The following CYP7B1 variants were observed in gnomAD, a reference collection of about 807,000 sequenced individuals.
CYP7B1 encodes the protein cytochrome P450 7B1.
CYP7B1 carries 29 observed loss-of-function variants against 42.7 expected under a neutral mutation model. The ratio of observed to expected loss-of-function variants is 0.68; its 90% CI spans 0.51 to 0.93. The LOEUF (loss-of-function observed/expected upper bound fraction) is 0.93, where lower values mean the gene tolerates loss of function less well. Ranked by LOEUF, CYP7B1 falls within the 40% of genes least tolerant of loss-of-function variation. The pLI is 0.00. For missense variants in CYP7B1, 655 were observed against 600.5 expected, an observed-to-expected ratio of 1.09 and a Z score of -0.95; for synonymous variants, 235 against 218.2, an observed-to-expected ratio of 1.08 and a Z score of -0.68.
chr8:64,606,216 T>G (rs919480644), intron 4 of CYP7B1, among the ~76,000 whole-genome samples: 9 of 152,144 alleles, frequency 5.9e-5, no homozygotes, highest in African/African-American at 2.2e-4. Context: ...GGTTTGTTGG[T>G]GATGAGGCCA....
chr8:64,739,271 G>A (rs934625852), intron 1 of CYP7B1, among the ~76,000 whole-genome samples: 1 of 152,284 alleles, frequency 6.6e-6, no homozygotes, highest in East Asian at 1.9e-4. Context: ...ATAAGATTAT[G>A]GAATGCTTTT....
intron 1 of CYP7B1, among the ~76,000 whole-genome samples, chr8:64,658,770 G>A (rs547524965): frequency 1.3e-5 from 2 of 152,240 alleles, no homozygotes; most frequent in African/African-American, 4.8e-5. Context: ...CAGGGTCAGT[G>A]GTCTCTTCTA....
At chr8:64,639,552 A>G (rs942050417) in intron 1 of CYP7B1, among the ~76,000 whole-genome samples, 1 of 152,102 alleles carries the variant, frequency 6.6e-6, no homozygotes, top group African/African-American at 2.4e-5. Context: ...ATAAACTAAA[A>G]TGAGATACTA....
intron 1 of CYP7B1, among the ~76,000 whole-genome samples, chr8:64,699,901 A>G (rs1355332245): frequency 1.3e-5 from 2 of 152,134 alleles, no homozygotes; most frequent in Non-Finnish European, 2.9e-5. Context: ...ACTGAATGAA[A>G]TATGAGTTGC....
chr8:64,587,272 G>A (rs1460789555), downstream of CYP7B1, among the ~76,000 whole-genome samples: 3 of 152,138 alleles, frequency 2.0e-5, no homozygotes, highest in Admixed American at 6.6e-5. Flanking sequence ...GCATCCGGAG[G>A]GATTCGGGAT....
At position 64,702,982 on chromosome 8, in the gene CYP7B1, C is replaced by T. The variant is rs144474706; in HGVS notation, c.123-78443G>A. On this transcript the variant is annotated intron_variant, in intron 1 of 5. Transcript: ENST00000310193. The stretch of plus-strand genomic sequence containing the variant: ...AATCAAGGGCTAAATAGAACACAAC[C>T]TATAACTGGGTATTTTATACATCTA... Among the ~76,000 whole-genome samples the T allele has an allele frequency of 9.3e-4, 141 of 151,500 alleles. 1 individual carries two copies. The highest frequency in any genetic ancestry group is 7.7e-4 in the Non-Finnish European group (52 of 67,866).
intron 1 of CYP7B1, among the ~76,000 whole-genome samples, chr8:64,694,536 T>A (rs1340909778): frequency 6.6e-6 from 1 of 152,104 alleles, no homozygotes; most frequent in Admixed American, 6.5e-5. Context: ...AATGCTGGCC[T>A]CGGGACTGCC....
At chr8:64,748,455 C>T (rs1807679289) in intron 1 of CYP7B1, among the ~76,000 whole-genome samples, 1 of 152,168 alleles carries the variant, frequency 6.6e-6, no homozygotes, top group African/African-American at 2.4e-5. Flanking sequence ...GACTTTGCTG[C>T]AGAATTTGAA....
In CYP7B1 at chr8:64,738,548, GCA is replaced by G. The variant is rs147173746; in HGVS notation, c.122+59916_122+59917del. ...ATAATACAAGAAAACACACACACAC[GCA>G]CACACACACACACACGCATATAAAA... On this transcript the variant is annotated intron_variant, in intron 1 of 5. Coordinates refer to ENST00000310193, the MANE Select transcript of CYP7B1 (RefSeq NM_004820.5). Among the ~76,000 whole-genome samples, 86 of 148,180 alleles carry G rather than the reference GCA, an allele frequency of 5.8e-4. 1 individual carries two copies. Among genetic ancestry groups the G allele is most frequent in the East Asian group, 5.7e-3 (29 of 5,084 alleles).
chr8:64,678,195 C>T (rs1211719782), intron 1 of CYP7B1, among the ~76,000 whole-genome samples: 1 of 152,030 alleles, frequency 6.6e-6, no homozygotes, highest in African/African-American at 2.4e-5. Context: ...AGCCTATAGT[C>T]AATGCTCAAA....
Position 64,617,006 on chromosome 8 carries a change from T to G in CYP7B1, c.260-725A>C, listed in dbSNP as rs937925406. Among the ~76,000 whole-genome samples the G allele has an allele frequency of 7.2e-5, 11 of 152,294 alleles. No homozygotes were observed. The East Asian group carries it at 2.1e-3, about 29-fold the overall frequency. On this transcript the variant is annotated intron_variant, in intron 2 of 5. Transcript: ENST00000310193. ...AAACTTGGTTGGATCCCTTTCTTTT[T>G]GAGATACAATTATGTATAGAAATCA...
intron 1 of CYP7B1, among the ~76,000 whole-genome samples, chr8:64,752,744 A>G (rs1225883599): frequency 6.6e-6 from 1 of 152,154 alleles, no homozygotes; most frequent in Non-Finnish European, 1.5e-5. Context: ...ATGTACAAAT[A>G]TAGGGTCAAA....
intron 2 of CYP7B1, among the ~76,000 whole-genome samples, chr8:64,618,536 T>C (rs1402270882): frequency 6.6e-6 from 1 of 151,620 alleles, no homozygotes; most frequent in Non-Finnish European, 1.5e-5. Flanking sequence ...AATTTTTGTT[T>C]TGTCTACAAT....
At chr8:64,729,375 C>T (rs960494611) in intron 1 of CYP7B1, among the ~76,000 whole-genome samples, 4 of 152,182 alleles carry the variant, frequency 2.6e-5, no homozygotes, top group African/African-American at 9.7e-5. Flanking sequence ...GAGACACATT[C>T]AGACACACAC....
At chr8:64,689,573 GT>G (rs796437204) in intron 1 of CYP7B1, among the ~76,000 whole-genome samples, 35 of 146,832 alleles carry the variant, frequency 2.4e-4, no homozygotes, top group African/African-American at 5.0e-4. Flanking sequence ...TTTGATTCCA[GT>G]TTTTTTTTTT....
chr8:64,683,063 T>A (rs544879062), intron 1 of CYP7B1, among the ~76,000 whole-genome samples: 1 of 152,186 alleles, frequency 6.6e-6, no homozygotes, highest in East Asian at 1.9e-4. Flanking sequence ...CAAATCCAAG[T>A]AGTGTTTCCT....
At chr8:64,645,209 C>A (rs1805932019) in intron 1 of CYP7B1, among the ~76,000 whole-genome samples, 1 of 150,542 alleles carries the variant, frequency 6.6e-6, no homozygotes. Context: ...TGAATAGTGC[C>A]ACAATAAACA....
At chr8:64,673,431 G>A (rs747008479) in intron 1 of CYP7B1, among the ~76,000 whole-genome samples, 3 of 152,096 alleles carry the variant, frequency 2.0e-5, no homozygotes, top group Non-Finnish European at 2.9e-5. Context: ...GTTTCAGCCT[G>A]TAGCTTATGC....
chr8:64,778,174 AATATAT>A (rs60859854), intron 1 of CYP7B1, among the ~76,000 whole-genome samples: 44 of 133,244 alleles, frequency 3.3e-4, no homozygotes, highest in African/African-American at 7.4e-4. Flanking sequence ...ACTAGTTTGA[AATATAT>A]ATATATATAT....
Sources: allele counts gnomAD v4.1 joint callset (sites outside exome capture counted in the v4.1 genomes callset), GRCh38; gene constraint gnomAD v4.1.1; transcripts MANE v1.5; gene names NCBI Gene and HGNC (gene_info 2026-07-23, HGNC 2026-07-21).